USP33: variants seen among roughly 807,000 people sequenced by gnomAD.
The protein encoded by USP33 is ubiquitin specific peptidase 33, also known as ubiquitin carboxyl-terminal hydrolase 33.
A neutral mutation model predicts 124.2 loss-of-function variants in USP33; 46 were observed. That is an observed-to-expected ratio of 0.37 (90% CI 0.29 to 0.47). The LOEUF is 0.47. USP33 is among the 20% of genes least tolerant of loss of function. The probability of loss-of-function intolerance (pLI) is 0.99; values close to 1 mark genes in which losing one functional copy is unlikely to be tolerated. For synonymous variants in USP33, 350 were observed against 352.3 expected (o/e 0.99, Z 0.07); for missense variants, 851 against 1,070.6 (o/e 0.79, Z 2.86).
At chr1:77,726,688 G>T (rs1446545943) in intron 10 of USP33, among the ~76,000 whole-genome samples, 1 of 150,616 alleles carries the variant, frequency 6.6e-6, no homozygotes, top group Non-Finnish European at 1.5e-5. Flanking sequence ...GTTTTTAGAA[G>T]TTCTAAAACC....
Position 77,717,932 on chromosome 1 carries a change from T to C in USP33, c.1853A>G (p.Asp618Gly), listed in dbSNP as rs1251441372. Reference sequence around the variant, plus strand: ...ATATGTCACAATTTGAGCTGGACTATCCTTAGCAAGAAATGGCTGAAGATC... The same window carrying C: ...ATATGTCACAATTTGAGCTGGACTACCCTTAGCAAGAAATGGCTGAAGATC... ...GLDLQPFLAK[D>G]SPAQIVTYDL... is the part of the protein sequence containing the mutation. Residue 618 changes from aspartate (D) to glycine (G), a missense_variant, in exon 17 of 24, where the codon GAT becomes GGT. Around this residue, in one of 4 missense-constraint regions of USP33, gnomAD observed 281 missense variants for 425.0 expected, o/e 0.66. Coordinates refer to ENST00000370794, the MANE Select transcript of USP33 (RefSeq NM_201624.3). The C allele has an allele frequency of 6.2e-7, 1 of 1,614,070 alleles. No homozygotes were observed. The highest frequency in any genetic ancestry group is 8.5e-7 in the Non-Finnish European group (1 of 1,179,968).
chr1:77,736,750 T>C (rs921682009), intron 5 of USP33, among the ~76,000 whole-genome samples: 1 of 151,970 alleles, frequency 6.6e-6, no homozygotes, highest in Non-Finnish European at 1.5e-5. Flanking sequence ...GCTGGGACTA[T>C]AGGTGCATGC....
chr1:77,751,039 G>A (rs532900444), intron 1 of USP33, among the ~76,000 whole-genome samples: 1 of 152,140 alleles, frequency 6.6e-6, no homozygotes, highest in Non-Finnish European at 1.5e-5. Context: ...AACAGAAAAT[G>A]GTTGTATATG....
chr1:77,714,194 G>GTTAA (rs1675608932), intron 19 of USP33, among the ~76,000 whole-genome samples: 2 of 152,146 alleles, frequency 1.3e-5, no homozygotes, highest in South Asian at 4.2e-4. Flanking sequence ...TTAGACAATG[G>GTTAA]GGTTAAGAAC....
At chr1:77,734,136 A>T (rs1678154257) in intron 7 of USP33, among the ~76,000 whole-genome samples, 1 of 152,186 alleles carries the variant, frequency 6.6e-6, no homozygotes, top group Non-Finnish European at 1.5e-5. Context: ...AAAGACACAC[A>T]ACTACCCAGG....
chr1:77,742,915 ATTATTTATTTAT>A (rs531632530), intron 1 of USP33, among the ~76,000 whole-genome samples: 126 of 147,704 alleles, frequency 8.5e-4, no homozygotes, highest in African/African-American at 2.6e-3. Context: ...TCTGCCTTTT[ATTATTTATTTAT>A]TTATTTATTT....
intron 7 of USP33, 124 bp from the exon 8 acceptor site, chr1:77,730,855 A>G: frequency 1.8e-6 from 1 of 555,552 alleles, no homozygotes; most frequent in Non-Finnish European, 2.9e-6. Context: ...GATCCCTCTT[A>G]CAGCTTCACT....
chr1:77,715,854 C>T lies in USP33; in HGVS notation c.1933G>A (p.Ala645Thr). Residue 645 changes from alanine to threonine, a missense_variant, in exon 18 of 24, where the codon GCC becomes ACC. Around this residue, in one of 4 missense-constraint regions of USP33, gnomAD observed 281 missense variants for 425.0 expected, o/e 0.66. Transcript: ENST00000370794. ...HGTASSGHYI[A>T]YCRNNLNNLW... ...TTATTTAGATTGTTTCGGCAGTAGG[C>T]TATATAGTGTCCACCTGAATTTGAG... 8 of 1,613,246 alleles carry T rather than the reference C, an allele frequency of 5.0e-6. No individual in the cohort carries two copies. Among genetic ancestry groups the T allele is most frequent in the Non-Finnish European group, 6.8e-6 (8 of 1,179,782 alleles).
intron 20 of USP33, 96 bp from the exon 21 acceptor site, chr1:77,711,951 A>T (rs1289087215): frequency 1.7e-6 from 2 of 1,202,130 alleles, no homozygotes; most frequent in South Asian, 3.0e-5. Context: ...AATCCTCTTA[A>T]TAAAATTCTC....
At position 77,697,486 on chromosome 1, in the gene USP33, G is replaced by A. The variant is rs200097011; in HGVS notation, c.2579-12C>T. On this transcript the variant is annotated splice_polypyrimidine_tract_variant and intron_variant, in intron 23 of 23. Coordinates refer to ENST00000370794, the MANE Select transcript of USP33 (RefSeq NM_201624.3). ...GCCAGAATCTGCTCCTTAAAATTACGTAGAAGAAATAATGTTTACAAACCT... is the reference window on the plus strand; with the variant it reads ...GCCAGAATCTGCTCCTTAAAATTACATAGAAGAAATAATGTTTACAAACCT... 2.7e-4 allele frequency: 432 copies of A among 1,586,912 alleles called. 2 individuals are homozygous for A. In the African/African-American group the frequency reaches 5.0e-3, roughly 18 times the overall value.
chr1:77,703,573 G>A (rs1020546708), intron 21 of USP33, among the ~76,000 whole-genome samples: 8 of 152,100 alleles, frequency 5.3e-5, no homozygotes, highest in African/African-American at 1.4e-4. Flanking sequence ...GCAGTGGGCC[G>A]ATATCGTGCC....
chr1:77,757,237 T>C (rs1227560600), intron 1 of USP33, among the ~76,000 whole-genome samples: 1 of 152,238 alleles, frequency 6.6e-6, no homozygotes. Flanking sequence ...GCATTTACTG[T>C]TGTGTAAAAA....
chr1:77,735,874 C>T (rs1678384523), intron 6 of USP33, among the ~76,000 whole-genome samples, 182 bp downstream of exon 6: 1 of 152,148 alleles, frequency 6.6e-6, no homozygotes, highest in South Asian at 2.1e-4. Context: ...CTTTGGTAAA[C>T]TGACACCAGA....
chr1:77,741,595 G>A (rs1159677410), intron 2 of USP33, 22 bp downstream of exon 2: 2 of 1,565,324 alleles, frequency 1.3e-6, no homozygotes, highest in Non-Finnish European at 8.6e-7. Flanking sequence ...GTTTTTCAAG[G>A]AAGAAAAAAC....
In USP33 at chr1:77,714,750, TCTC is replaced by T. The variant is rs763315804; in HGVS notation, c.2076_2078del (p.Arg694del). On this transcript the variant is annotated inframe_deletion, in exon 19 of 24. Transcript: ENST00000370794. ...TTATGTTCAATAAATTTGATATCCTTCTCCTCTCTTTTTGTGCCTCTTCGCTGC... is the reference window on the plus strand; with the variant it reads ...TTATGTTCAATAAATTTGATATCCTTCTCTCTTTTTGTGCCTCTTCGCTGC... 1 of 1,612,394 alleles carries T rather than the reference TCTC, an allele frequency of 6.2e-7. No homozygotes were observed.
chr1:77,708,710 T>C (rs77967727), intron 21 of USP33, among the ~76,000 whole-genome samples: 1 of 152,334 alleles, frequency 6.6e-6, no homozygotes, highest in African/African-American at 2.4e-5. Flanking sequence ...TCCAAATAGT[T>C]TGTTGTTTTA....
chr1:77,759,494 C>A (rs577147030), intron 1 of USP33, 149 bp downstream of exon 1: 1 of 397,012 alleles, frequency 2.5e-6, no homozygotes, highest in Non-Finnish European at 4.4e-6. Context: ...TTCTTCCCGC[C>A]CGCGAACCCG....
intron 21 of USP33, among the ~76,000 whole-genome samples, chr1:77,704,242 C>T (rs1674365585): frequency 6.6e-6 from 1 of 152,122 alleles, no homozygotes; most frequent in South Asian, 2.1e-4. Context: ...GTGGCAGTCT[C>T]TGATGGTTAA....
At chr1:77,717,297 G>A (rs1676028036) in intron 17 of USP33, among the ~76,000 whole-genome samples, 1 of 152,198 alleles carries the variant, frequency 6.6e-6, no homozygotes. Context: ...AGACCATCCT[G>A]GCTAACACGG....
Sources: gnomAD v4.1 joint callset for allele counts (sites outside exome capture counted in the v4.1 genomes callset) on GRCh38, gnomAD v4.1.1 for gene constraint, gnomAD v4.1.1 regional missense constraint, MANE v1.5 for transcripts, NCBI Gene and HGNC (gene_info 2026-07-23, HGNC 2026-07-21) for gene names.